SHISA6: variants seen among roughly 807,000 people sequenced by gnomAD.
The protein encoded by SHISA6 is shisa family member 6.
Under a neutral mutation model 47.9 loss-of-function variants are expected in SHISA6, and 22 were observed. The ratio of observed to expected loss-of-function variants is 0.46; its 90% CI spans 0.33 to 0.66. SHISA6 has a LOEUF of 0.66. SHISA6 is among the 30% of genes least tolerant of loss of function. The probability of loss-of-function intolerance (pLI) is 0.02; values close to 1 mark genes in which losing one functional copy is unlikely to be tolerated. For synonymous variants in SHISA6, 388 were observed against 337.8 expected (o/e 1.15, Z -1.63); for missense variants, 680 against 764.6 (o/e 0.89, Z 1.30).
chr17:11,261,858 G>A (rs186106321), intron 1 of SHISA6, among the ~76,000 whole-genome samples: 26 of 152,284 alleles, frequency 1.7e-4, no homozygotes, highest in Middle Eastern at 6.8e-3. Context: ...TTAATTCTGC[G>A]TTTAAGGAAC....
At chr17:11,434,465 A>C (rs1914879876) in intron 3 of SHISA6, among the ~76,000 whole-genome samples, 1 of 152,198 alleles carries the variant, frequency 6.6e-6, no homozygotes, top group Non-Finnish European at 1.5e-5. Context: ...ATACCAGTGC[A>C]CGCTGTCCTT....
chr17:11,258,353 T>C, intron 1 of SHISA6, among the ~76,000 whole-genome samples: 1 of 152,222 alleles, frequency 6.6e-6, no homozygotes, highest in East Asian at 1.9e-4. Flanking sequence ...TTGTTTCCAT[T>C]GCACCACTTC....
At chr17:11,517,743 G>A (rs1233421668) in intron 3 of SHISA6, among the ~76,000 whole-genome samples, 1 of 152,000 alleles carries the variant, frequency 6.6e-6, no homozygotes, top group Non-Finnish European at 1.5e-5. Context: ...GGCTCAAGCA[G>A]TCCTCCCACC....
At chr17:11,350,357 A>G (rs55889879) in intron 2 of SHISA6, among the ~76,000 whole-genome samples, 5 of 119,330 alleles carry the variant, frequency 4.2e-5, no homozygotes, top group Admixed American at 1.8e-4. Context: ...TTTTTTTGTC[A>G]TTTTAGTAGA....
chr17:11,243,112 A>G (rs1260112701), intron 1 of SHISA6, among the ~76,000 whole-genome samples: 1 of 151,340 alleles, frequency 6.6e-6, no homozygotes, highest in Non-Finnish European at 1.5e-5. Context: ...CACCCCCCAG[A>G]CCACTGCTTG....
Position 11,555,878 on chromosome 17 carries a change from C to T in SHISA6, c.1091C>T (p.Ser364Phe). 1 of 1,542,280 alleles carries T rather than the reference C, an allele frequency of 6.5e-7. No individual in the cohort carries two copies. The highest frequency in any genetic ancestry group is 2.5e-5 in the East Asian group (1 of 40,716). Residue 364 changes from serine to phenylalanine, a missense_variant, in exon 5 of 6, where the codon TCT (serine) becomes TTT (phenylalanine). By Grantham distance (155) the Ser-to-Phe change is radical. Coordinates refer to ENST00000441885, the MANE Select transcript of SHISA6 (RefSeq NM_207386.4). The part of the protein sequence containing the change: ...AVKTNPSKYS[S>F]LKRLTDKEAD... ...AAGACCAACCCCAGCAAGTATTCAT[C>T]TCTGAAGAGGCTAAGTAAGTTGAAT...
At chr17:11,347,775 G>C (rs945674636) in intron 2 of SHISA6, among the ~76,000 whole-genome samples, 9 of 152,296 alleles carry the variant, frequency 5.9e-5, no homozygotes, top group African/African-American at 1.9e-4. Flanking sequence ...CTTGGAAGCT[G>C]TATCTAGGGG....
intron 3 of SHISA6, among the ~76,000 whole-genome samples, chr17:11,537,322 T>C (rs2071795966): frequency 6.6e-6 from 1 of 152,052 alleles, no homozygotes; most frequent in Admixed American, 6.6e-5. Context: ...GACCTCATAA[T>C]GTCATCAGCA....
chr17:11,501,324 C>A (rs908065307), intron 3 of SHISA6, among the ~76,000 whole-genome samples: 3 of 152,048 alleles, frequency 2.0e-5, no homozygotes, highest in African/African-American at 2.4e-5. Context: ...GTTGGTCAGG[C>A]TGGTCACGAA....
chr17:11,343,932 A>G (rs1031606847), intron 2 of SHISA6, among the ~76,000 whole-genome samples: 11 of 152,124 alleles, frequency 7.2e-5, no homozygotes, highest in Admixed American at 1.3e-4. Flanking sequence ...CAAGTGGTCC[A>G]CCCATCTTGG....
At chr17:11,337,847 G>A (rs1911378441) in intron 2 of SHISA6, among the ~76,000 whole-genome samples, 2 of 152,152 alleles carry the variant, frequency 1.3e-5, no homozygotes, top group South Asian at 2.1e-4. Flanking sequence ...ACCACCCGAT[G>A]TGTAATAATT....
At position 11,331,699 on chromosome 17, in the gene SHISA6, A is replaced by G. The variant is rs149113335; in HGVS notation, c.800-47715A>G. Among the ~76,000 whole-genome samples the G allele has an allele frequency of 8.5e-4, 129 of 151,520 alleles. 1 individual carries two copies. Among genetic ancestry groups the G allele is most frequent in the African/African-American group, 2.7e-3 (113 of 41,198 alleles). ...TTCCCTATTTCTTCTCTTCTTGTCT[A>G]TCTTTTTCTCTGATCCACAGCTCAC... On this transcript the variant is annotated intron_variant, in intron 2 of 5. Transcript: ENST00000441885.
intron 3 of SHISA6, among the ~76,000 whole-genome samples, chr17:11,546,484 A>G (rs2071884876): frequency 6.6e-6 from 1 of 152,252 alleles, no homozygotes; most frequent in African/African-American, 2.4e-5. Context: ...ATCAAAAGAT[A>G]AGCATAAAAT....
intron 1 of SHISA6, among the ~76,000 whole-genome samples, chr17:11,252,108 A>G (rs531983751): frequency 2.0e-5 from 3 of 152,230 alleles, no homozygotes; most frequent in African/African-American, 4.8e-5. Flanking sequence ...TAGAAGAGCA[A>G]GAGAACACTT....
chr17:11,308,601 C>T (rs1291458949), intron 2 of SHISA6, among the ~76,000 whole-genome samples: 4 of 152,184 alleles, frequency 2.6e-5, no homozygotes, highest in South Asian at 2.1e-4. Flanking sequence ...AAGCCCTCCT[C>T]ATTTCACAAG....
At chr17:11,324,203 C>T (rs965687927) in intron 2 of SHISA6, among the ~76,000 whole-genome samples, 1 of 152,178 alleles carries the variant, frequency 6.6e-6, no homozygotes, top group African/African-American at 2.4e-5. Flanking sequence ...GCAAGTGTGT[C>T]AGACTGGCAC....
chr17:11,297,323 G>A (rs939686170), intron 2 of SHISA6, among the ~76,000 whole-genome samples: 3 of 152,140 alleles, frequency 2.0e-5, no homozygotes, highest in African/African-American at 7.2e-5. Flanking sequence ...AGTAGCAGTG[G>A]TTAAATAAGA....
At chr17:11,517,567 G>C (rs1342997109) in intron 3 of SHISA6, among the ~76,000 whole-genome samples, 1 of 152,132 alleles carries the variant, frequency 6.6e-6, no homozygotes, top group Non-Finnish European at 1.5e-5. Flanking sequence ...CAGTGGTACA[G>C]TCACAGCTCA....
chr17:11,296,331 G>A (rs1265506717), intron 2 of SHISA6, among the ~76,000 whole-genome samples: 1 of 152,200 alleles, frequency 6.6e-6, no homozygotes, highest in African/African-American at 2.4e-5. Context: ...AAGGAAGAAA[G>A]AAGATAGGGG....
Sources: allele counts gnomAD v4.1 joint callset (sites outside exome capture counted in the v4.1 genomes callset), GRCh38; gene constraint gnomAD v4.1.1; transcripts MANE v1.5; gene names NCBI Gene and HGNC (gene_info 2026-07-23, HGNC 2026-07-21).